Variants in ADGRB3 observed in about 807,000 individuals in gnomAD.
The protein encoded by ADGRB3 is brain-specific angiogenesis inhibitor 3.
Under a neutral mutation model 193.4 loss-of-function variants are expected in ADGRB3, and 37 were observed. The observed-to-expected ratio is 0.19, with a 90% CI of 0.15 to 0.25. The LOEUF (loss-of-function observed/expected upper bound fraction) is 0.25. Ranked by LOEUF, ADGRB3 falls within the 10% of genes least tolerant of loss-of-function variation. The pLI is 1.00. For synonymous variants in ADGRB3, 690 were observed against 644.2 expected, an observed-to-expected ratio of 1.07 and a Z score of -1.08; for missense variants, 1,637 against 1,852.9, an observed-to-expected ratio of 0.88 and a Z score of 2.14.
At chr6:68,782,236 C>A in intron 3 of ADGRB3, among the ~76,000 whole-genome samples, 1 of 148,496 alleles carries the variant, frequency 6.7e-6, no homozygotes, top group East Asian at 2.1e-4. Flanking sequence ...GTTTTTTTGT[C>A]CTTGTGATAG....
intron 17 of ADGRB3, among the ~76,000 whole-genome samples, chr6:69,217,371 A>G (rs539230727): frequency 6.6e-6 from 1 of 152,312 alleles, no homozygotes; most frequent in Admixed American, 6.5e-5. Context: ...AATGATTGCA[A>G]ATAAAACTTG....
intron 13 of ADGRB3, among the ~76,000 whole-genome samples, chr6:69,035,874 G>A (rs1770853894): frequency 6.6e-6 from 1 of 152,156 alleles, no homozygotes; most frequent in African/African-American, 2.4e-5. Context: ...TTTCTGGCTT[G>A]AGTAAAGTCG....
intron 3 of ADGRB3, among the ~76,000 whole-genome samples, chr6:68,744,861 A>G (rs539644550): frequency 1.5e-4 from 23 of 152,326 alleles, no homozygotes; most frequent in Non-Finnish European, 2.9e-4. Context: ...CGTTCTGCAC[A>G]TGTACCCCAG....
chr6:69,211,816 CTG>C (rs2127240266), intron 17 of ADGRB3, among the ~76,000 whole-genome samples: 1 of 152,286 alleles, frequency 6.6e-6, no homozygotes, highest in East Asian at 1.9e-4. Context: ...CTGCTATCCA[CTG>C]TTTCATCTTT....
At chr6:68,998,896 T>TACCCATC (rs889637629) in intron 11 of ADGRB3, among the ~76,000 whole-genome samples, 1 of 152,164 alleles carries the variant, frequency 6.6e-6, no homozygotes, top group African/African-American at 2.4e-5. Context: ...TTCCTAAAAG[T>TACCCATC]ACCCATCTTT....
chr6:68,676,253 G>A (rs1170585957), intron 3 of ADGRB3, among the ~76,000 whole-genome samples: 2 of 151,882 alleles, frequency 1.3e-5, no homozygotes, highest in African/African-American at 2.4e-5. Context: ...TTAGCTGGGC[G>A]TGGTGGCGCG....
At chr6:69,325,087 A>G in intron 21 of ADGRB3, 65 bp downstream of exon 21, 2 of 1,522,438 alleles carry the variant, frequency 1.3e-6, no homozygotes, top group Non-Finnish European at 1.8e-6. Flanking sequence ...ATTAGAAAGC[A>G]GTCATGAGTG....
At chr6:69,216,610 G>T (rs933011169) in intron 17 of ADGRB3, among the ~76,000 whole-genome samples, 1 of 152,162 alleles carries the variant, frequency 6.6e-6, no homozygotes, top group African/African-American at 2.4e-5. Context: ...GCTATCTCCA[G>T]AGCAAAGCCA....
chr6:68,940,656 T>G (rs1158382393), intron 5 of ADGRB3, among the ~76,000 whole-genome samples: 1 of 147,484 alleles, frequency 6.8e-6, no homozygotes, highest in East Asian at 2.0e-4. Context: ...TCCCAGCACT[T>G]TGGGAGGCGG....
At chr6:68,738,834 C>G (rs1470037533) in intron 3 of ADGRB3, among the ~76,000 whole-genome samples, 4 of 152,000 alleles carry the variant, frequency 2.6e-5, no homozygotes, top group African/African-American at 9.7e-5. Context: ...AATATGGGAG[C>G]TGTCAGTGGA....
intron 17 of ADGRB3, among the ~76,000 whole-genome samples, chr6:69,097,478 A>G (rs1473537370): frequency 6.6e-6 from 1 of 152,226 alleles, no homozygotes; most frequent in Non-Finnish European, 1.5e-5. Flanking sequence ...AATGCAATAT[A>G]TCTAACCATT....
At position 69,360,913 on chromosome 6, in the gene ADGRB3, G is replaced by A. The variant is rs1769436809; in HGVS notation, c.3640G>A (p.Gly1214Arg). The A allele has an allele frequency of 1.2e-6, 2 of 1,611,652 alleles. No individual in the cohort carries two copies. Among genetic ancestry groups the A allele is most frequent in the African/African-American group, 2.7e-5 (2 of 74,736 alleles). ...IGPCRAATIT[G>R]TLSRISLNDD... ...TCCTTGCCGAGCAGCCACAATAACAGGAACACTTTCTAGGATTTCTCTAAA... is the reference window on the plus strand; with the variant it reads ...TCCTTGCCGAGCAGCCACAATAACAAGAACACTTTCTAGGATTTCTCTAAA... The change falls in exon 29 of 32, where the codon GGA becomes AGA. Residue 1214 changes from glycine to arginine, a missense_variant. Physicochemically the swap from Gly to Arg is moderately radical, Grantham distance 125 (BLOSUM62 -2). Transcript: ENST00000370598.
chr6:68,951,384 A>C (rs62418274), intron 6 of ADGRB3, among the ~76,000 whole-genome samples: 4,917 of 151,982 alleles, frequency 0.032, 259 homozygotes, highest in African/African-American at 0.11. Flanking sequence ...TCCCTATCAC[A>C]TCGCCCTCTT....
Position 69,075,164 on chromosome 6 carries a change from G to A in ADGRB3, c.2437-831G>A, listed in dbSNP as rs114443778. On this transcript the variant is annotated intron_variant, in intron 16 of 31. Coordinates refer to ENST00000370598, the MANE Select transcript of ADGRB3 (RefSeq NM_001704.3). ...GTGCACAAGTCAGACACAAGTGAAT[G>A]ATTTCCCTAAATACACTTTAAAAGT... is the stretch of plus-strand genomic sequence containing the variant. Among the ~76,000 whole-genome samples, 301 of 152,268 alleles carry A rather than the reference G, an allele frequency of 2.0e-3. 2 individuals are homozygous for A. The highest frequency in any genetic ancestry group is 7.0e-3 in the African/African-American group (290 of 41,552).
At chr6:69,061,684 G>C (rs1458875274) in intron 15 of ADGRB3, among the ~76,000 whole-genome samples, 1 of 92,458 alleles carries the variant, frequency 1.1e-5, no homozygotes, top group African/African-American at 3.1e-5. Flanking sequence ...AATAAATTGT[G>C]CTGTATTTGT....
chr6:68,886,698 A>G (rs1201646449), intron 3 of ADGRB3, among the ~76,000 whole-genome samples: 2 of 152,060 alleles, frequency 1.3e-5, no homozygotes, highest in Non-Finnish European at 2.9e-5. Context: ...ATCATCCTTA[A>G]CTGTAACATT....
intron 20 of ADGRB3, among the ~76,000 whole-genome samples, chr6:69,305,916 A>G (rs529367874): frequency 6.6e-6 from 1 of 151,570 alleles, no homozygotes; most frequent in Non-Finnish European, 1.5e-5. Flanking sequence ...CCAAAACTTG[A>G]ATTTACCATG....
Position 69,030,958 on chromosome 6 carries a change from T to C in ADGRB3, c.2107+12459T>C, listed in dbSNP as rs900579250. ...TTTTAATTTTCTTTTCTTTTCTTTT[T>C]TTCTTTTCTTTTCTTTTCTTTTCTT... On this transcript the variant is annotated intron_variant, in intron 13 of 31. Transcript: ENST00000370598. Among the ~76,000 whole-genome samples the C allele has an allele frequency of 6.6e-5, 6 of 91,468 alleles. 1 individual carries two copies. The highest frequency in any genetic ancestry group is 2.4e-4 in the East Asian group (1 of 4,166). The allele number at this position is 91,468 out of a possible 152,430, so 60.0% of individuals were successfully genotyped here.
chr6:69,018,464 A>G lies in ADGRB3; in HGVS notation c.2072A>G (p.Asp691Gly), dbSNP rs1280907722. The G allele has an allele frequency of 6.2e-7, 1 of 1,608,314 alleles. No individual in the cohort carries two copies. The highest frequency in any genetic ancestry group is 1.7e-5 in the Admixed American group (1 of 59,850). The change falls in exon 13 of 32, where the codon GAC (aspartate) becomes GGC (glycine). Residue 691 changes from aspartate to glycine, a missense_variant. Physicochemically the swap from Asp to Gly is moderately conservative, Grantham distance 94. Around this residue, in one of 7 missense-constraint regions of ADGRB3, gnomAD observed 641 missense variants for 673.9 expected, o/e 0.95. Transcript: ENST00000370598. Reference sequence around the variant, plus strand: ...CACATTGTTGGAATGGGGATGATGGACTTTCAGAATTCATACTTAATGACT... The same window carrying G: ...CACATTGTTGGAATGGGGATGATGGGCTTTCAGAATTCATACTTAATGACT... ...FIHIVGMGMM[D>G]FQNSYLMTGN...
Sources: gnomAD v4.1 joint callset for allele counts (sites outside exome capture counted in the v4.1 genomes callset) on GRCh38, gnomAD v4.1.1 for gene constraint, gnomAD v4.1.1 regional missense constraint, MANE v1.5 for transcripts, NCBI Gene and HGNC (gene_info 2026-07-23, HGNC 2026-07-21) for gene names.